C14orf132: variants seen among roughly 807,000 people sequenced by gnomAD.
C14orf132 encodes the protein chromosome 14 open reading frame 132.
A neutral mutation model predicts 5.8 loss-of-function variants in C14orf132; 6 were observed. That is an observed-to-expected ratio of 1.03 (90% CI 0.57 to 2.04). C14orf132 has a LOEUF of 2.04. Among genes scored for constraint, C14orf132 ranks in the 30% most tolerant of loss-of-function variants. The pLI, the probability that C14orf132 is intolerant of heterozygous loss-of-function variation, is 0.00. For synonymous variants in C14orf132, 51 were observed against 49.8 expected (o/e 1.02, Z -0.10); for missense variants, 125 against 115.8 (o/e 1.08, Z -0.37).
intron 1 of C14orf132, among the ~76,000 whole-genome samples, chr14:96,046,545 A>G (rs1466855361): frequency 6.6e-6 from 1 of 152,252 alleles, no homozygotes; most frequent in Non-Finnish European, 1.5e-5. Context: ...GTTCAGCTAC[A>G]TATTGGGGAG....
intron 1 of C14orf132, among the ~76,000 whole-genome samples, chr14:96,047,135 G>T (rs1428417925): frequency 1.3e-5 from 2 of 152,140 alleles, no homozygotes; most frequent in Admixed American, 1.3e-4. Context: ...TGTACTTCAG[G>T]TTTCCATTGC....
At chr14:96,080,621 T>C (rs989861502) in intron 1 of C14orf132, among the ~76,000 whole-genome samples, 1 of 152,226 alleles carries the variant, frequency 6.6e-6, no homozygotes, top group African/African-American at 2.4e-5. Flanking sequence ...GGGAGATTTA[T>C]ATAACGGTCA....
chr14:96,090,426 C>G lies in C14orf132; in HGVS notation c.*3691C>G. The G allele has an allele frequency of 4.0e-6, 1 of 251,854 alleles. No homozygotes were observed. The highest frequency in any genetic ancestry group is 7.8e-6 in the Non-Finnish European group (1 of 128,056). The allele number at this position is 251,854 out of a possible 1,614,324, so 15.6% of individuals were successfully genotyped here. A position where few individuals can be genotyped will look rare whatever the true frequency, so the allele number is the denominator to read the frequency against. On this transcript the variant is annotated 3_prime_UTR_variant, in exon 2 of 2. Transcript: ENST00000555004. ...AAAAAGAAAAGAAAAAAAAAAAGAG[C>G]AACTTACTGCTTTGTGAGGTTGTGA...
At chr14:96,053,817 G>T (rs891331505) in intron 1 of C14orf132, among the ~76,000 whole-genome samples, 1 of 152,152 alleles carries the variant, frequency 6.6e-6, no homozygotes, top group African/African-American at 2.4e-5. Context: ...GGAGGGATGT[G>T]GTCCCACCCA....
At chr14:96,064,393 CATATACATATATGTATATATAT>C (rs1887463496) in intron 1 of C14orf132, among the ~76,000 whole-genome samples, 1 of 146,334 alleles carries the variant, frequency 6.8e-6, no homozygotes, top group Admixed American at 6.8e-5. Flanking sequence ...CACACACACA[CATATACATATATGTATATATAT>C]ACACATATAT....
At chr14:96,051,943 G>C (rs561948523) in intron 1 of C14orf132, among the ~76,000 whole-genome samples, 25 of 152,386 alleles carry the variant, frequency 1.6e-4, no homozygotes, top group Admixed American at 1.4e-3. Context: ...CCCGCCCTCT[G>C]GTGGAAGAAG....
At position 96,089,322 on chromosome 14, in the gene C14orf132, A is replaced by G. The variant is rs1352874457; in HGVS notation, c.*2587A>G. ...ACTTGCATGCACACTAACTCCTTAC[A>G]ATCACCACACAGCATCATCGCCCCA... On this transcript the variant is annotated 3_prime_UTR_variant, in exon 2 of 2. Coordinates refer to ENST00000555004, the MANE Select transcript of C14orf132 (RefSeq NM_001252507.3). 1 of 152,306 alleles carries G rather than the reference A, an allele frequency of 6.6e-6. No homozygotes were observed. Among genetic ancestry groups the G allele is most frequent in the Non-Finnish European group, 1.5e-5 (1 of 68,112 alleles). 9.4% of individuals were successfully genotyped at this position (152,306 alleles called of 1,614,324 possible).
chr14:96,043,069 A>G (rs1264984334), intron 1 of C14orf132, among the ~76,000 whole-genome samples: 4 of 152,186 alleles, frequency 2.6e-5, no homozygotes, highest in Non-Finnish European at 5.9e-5. Flanking sequence ...CCTCCTGGAC[A>G]TGCTTGCTGC....
intron 1 of C14orf132, among the ~76,000 whole-genome samples, chr14:96,046,908 C>T (rs1453347934): frequency 6.6e-6 from 1 of 152,166 alleles, no homozygotes; most frequent in Non-Finnish European, 1.5e-5. Flanking sequence ...ACTGTCTTAG[C>T]TATGGGGAAG....
At chr14:96,064,230 A>G (rs1378869745) in intron 1 of C14orf132, among the ~76,000 whole-genome samples, 1 of 152,014 alleles carries the variant, frequency 6.6e-6, no homozygotes, top group African/African-American at 2.4e-5. Flanking sequence ...TACCCAGAGG[A>G]AAAGAAGTCA....
rs1595195450 is a variant in C14orf132 at position 96,087,041 on chromosome 14, A to T, written c.*306A>T. Reference sequence around the variant, plus strand: ...ATGGGACCAGATGAGACAGCTAGTTAAGTTTAAAACATAGACATGATTTGA... The same window carrying T: ...ATGGGACCAGATGAGACAGCTAGTTTAGTTTAAAACATAGACATGATTTGA... On this transcript the variant is annotated 3_prime_UTR_variant, in exon 2 of 2. Coordinates refer to ENST00000555004, the MANE Select transcript of C14orf132 (RefSeq NM_001252507.3). 4.6e-6 allele frequency: 2 copies of T among 432,964 alleles called. No homozygotes were observed. The highest frequency in any genetic ancestry group is 6.0e-5 in the South Asian group (2 of 33,402). 26.8% of individuals were successfully genotyped at this position (432,964 alleles called of 1,614,324 possible).
chr14:96,070,589 C>G, intron 1 of C14orf132, among the ~76,000 whole-genome samples: 1 of 129,950 alleles, frequency 7.7e-6, no homozygotes, highest in South Asian at 2.8e-4. Flanking sequence ...AAGTCTCTCT[C>G]TCTCTCTCAC....
intron 1 of C14orf132, among the ~76,000 whole-genome samples, chr14:96,044,719 G>A (rs1408025237): frequency 2.0e-5 from 3 of 152,140 alleles, no homozygotes; most frequent in African/African-American, 7.2e-5. Context: ...TGCAGTCCTT[G>A]GCATTCCTTG....
At chr14:96,068,151 C>T (rs2139666236) in intron 1 of C14orf132, among the ~76,000 whole-genome samples, 1 of 152,302 alleles carries the variant, frequency 6.6e-6, no homozygotes, top group African/African-American at 2.4e-5. Context: ...CAAATCTTTC[C>T]CTTAACTGCA....
At position 96,051,798 on chromosome 14, in the gene C14orf132, G is replaced by C. The variant is rs936967442; in HGVS notation, c.27+12271G>C. ...GCAGGGCCAGCCGTGCAGGCAGGCT[G>C]TGTTGGGGAATGTGGAAAGCCAGAA... is the stretch of plus-strand genomic sequence containing the variant. On this transcript the variant is annotated intron_variant, in intron 1 of 1. Coordinates refer to ENST00000555004, the MANE Select transcript of C14orf132 (RefSeq NM_001252507.3). Among the ~76,000 whole-genome samples the C allele has an allele frequency of 2.0e-5, 3 of 152,334 alleles. No individual in the cohort carries two copies. In the South Asian group the frequency reaches 6.2e-4, roughly 32 times the overall value.
chr14:96,081,084 C>T, intron 1 of C14orf132, among the ~76,000 whole-genome samples: 1 of 152,170 alleles, frequency 6.6e-6, no homozygotes, highest in South Asian at 2.1e-4. Context: ...TCTGCTTTGT[C>T]CCATCTCCCC....
At chr14:96,050,781 T>A (rs1887004212) in intron 1 of C14orf132, among the ~76,000 whole-genome samples, 1 of 152,132 alleles carries the variant, frequency 6.6e-6, no homozygotes, top group Non-Finnish European at 1.5e-5. Flanking sequence ...TTCCCATCTC[T>A]CGAGGGTCAC....
intron 1 of C14orf132, chr14:96,040,265 C>A (rs1886655141): frequency 2.5e-6 from 1 of 398,284 alleles, no homozygotes; most frequent in East Asian, 3.6e-5. Context: ...CCTTAACTCT[C>A]TTGAGCCAGA....
At chr14:96,070,596 T>TCTCTCACACACACACACA (rs755530241) in intron 1 of C14orf132, among the ~76,000 whole-genome samples, 3 of 142,558 alleles carry the variant, frequency 2.1e-5, no homozygotes, top group African/African-American at 7.8e-5. Context: ...TCTCTCTCTC[T>TCTCTCACACACACACACA]CACACACACA....
Sources: allele counts gnomAD v4.1 joint callset (sites outside exome capture counted in the v4.1 genomes callset), GRCh38; gene constraint gnomAD v4.1.1; transcripts MANE v1.5; gene names NCBI Gene and HGNC (gene_info 2026-07-23, HGNC 2026-07-21).